TOPBP1: variants seen among roughly 807,000 people sequenced by gnomAD.
The protein encoded by TOPBP1 is DNA topoisomerase II binding protein 1.
Under a neutral mutation model 167.7 loss-of-function variants are expected in TOPBP1, and 28 were observed. That is an observed-to-expected ratio of 0.17 (90% CI 0.12 to 0.23). The LOEUF (loss-of-function observed/expected upper bound fraction) is 0.23, where lower values mean the gene tolerates loss of function less well. TOPBP1 is among the 10% of genes least tolerant of loss of function. The pLI, the probability that TOPBP1 is intolerant of heterozygous loss-of-function variation, is 1.00. For missense variants in TOPBP1, 1,554 were observed against 1,809.6 expected (o/e 0.86, Z 2.56); for synonymous variants, 598 against 611.4 (o/e 0.98, Z 0.32).
At chr3:133,626,270 G>A (rs1476302185) in intron 16 of TOPBP1, among the ~76,000 whole-genome samples, 1 of 152,168 alleles carries the variant, frequency 6.6e-6, no homozygotes, top group African/African-American at 2.4e-5. Context: ...TAGATCAGCG[G>A]TTTCAGCAAA....
At chr3:133,613,994 T>A (rs1315457149) in intron 23 of TOPBP1, among the ~76,000 whole-genome samples, 1 of 152,048 alleles carries the variant, frequency 6.6e-6, no homozygotes, top group African/African-American at 2.4e-5. Flanking sequence ...GGTTTCACCA[T>A]GTTTGCCAGG....
intron 14 of TOPBP1, among the ~76,000 whole-genome samples, chr3:133,636,799 C>G (rs1474257565): frequency 1.3e-5 from 2 of 152,068 alleles, no homozygotes; most frequent in Non-Finnish European, 2.9e-5. Context: ...CAGTAGGAGG[C>G]AAAGAAGAGG....
intron 25 of TOPBP1, 60 bp from the exon 26 acceptor site, chr3:133,609,022 A>AAAATC: frequency 7.6e-7 from 1 of 1,308,228 alleles, no homozygotes. Context: ...TAATACAGAT[A>AAAATC]ATGCATGATT....
intron 27 of TOPBP1, among the ~76,000 whole-genome samples, chr3:133,603,880 T>C (rs1374414918): frequency 6.6e-6 from 1 of 151,930 alleles, no homozygotes; most frequent in African/African-American, 2.4e-5. Flanking sequence ...CTGCAGAATA[T>C]AAAATCTTTC....
chr3:133,642,140 C>G lies in TOPBP1; in HGVS notation c.2021+1060G>C, dbSNP rs372510618. ...GAGTAGCTGGGACCATAGGCACATG[C>G]CACCATGCCTGGCTCATTTTTTTTT... is the stretch of plus-strand genomic sequence containing the variant. On this transcript the variant is annotated intron_variant, in intron 12 of 27. Coordinates refer to ENST00000260810, the MANE Select transcript of TOPBP1 (RefSeq NM_007027.4). 2.2e-4 allele frequency among the ~76,000 whole-genome samples: 33 copies of G among 152,206 alleles called. 1 individual carries two copies. The highest frequency in any genetic ancestry group is 6.0e-4 in the African/African-American group (25 of 41,542).
Position 133,644,061 on chromosome 3 carries a change from C to T in TOPBP1, c.1807G>A (p.Val603Met), listed in dbSNP as rs1296156323. The T allele has an allele frequency of 1.1e-5, 17 of 1,611,446 alleles. No homozygotes were observed. The highest frequency in any genetic ancestry group is 1.4e-5 in the Non-Finnish European group (16 of 1,179,078). Residue 603 changes from valine to methionine, a missense_variant, in exon 11 of 28, where the codon GTG becomes ATG. By Grantham distance (21) the Val-to-Met change is conservative. This residue lies in a region of TOPBP1 where 1,197 missense variants were observed against 1,351.5 expected (regional missense o/e 0.89). Coordinates refer to ENST00000260810, the MANE Select transcript of TOPBP1 (RefSeq NM_007027.4). ...ACAACTTCTCCCACAGTGGCTTCCA[C>T]TTCACACCCCAGCAGAGGAACCACA... is the stretch of plus-strand genomic sequence containing the variant. ...YAVVPLLGCE[V>M]EATVGEVVTN...
chr3:133,633,843 C>T (rs1404288511), intron 14 of TOPBP1, among the ~76,000 whole-genome samples: 1 of 152,176 alleles, frequency 6.6e-6, no homozygotes, highest in Non-Finnish European at 1.5e-5. Context: ...TTCTCCTACT[C>T]TCTTGGCATC....
intron 23 of TOPBP1, among the ~76,000 whole-genome samples, chr3:133,613,140 C>T (rs1318875631): frequency 6.6e-6 from 1 of 152,136 alleles, no homozygotes; most frequent in Non-Finnish European, 1.5e-5. Flanking sequence ...GGATTACAGG[C>T]GTGAGCCACC....
intron 9 of TOPBP1, 47 bp downstream of exon 9, chr3:133,649,733 G>C (rs1936219567): frequency 6.3e-7 from 1 of 1,580,340 alleles, no homozygotes; most frequent in Non-Finnish European, 8.6e-7. Context: ...GCAATTTTAA[G>C]AAAAATTATG....
Position 133,644,153 on chromosome 3 carries a change from G to A in TOPBP1, c.1715C>T (p.Ala572Val). Residue 572 changes from alanine to valine, a missense_variant, in exon 11 of 28, where the codon GCA becomes GTA. Coordinates refer to ENST00000260810, the MANE Select transcript of TOPBP1 (RefSeq NM_007027.4). ...GFSNENESNI[A>V]NIIKENAGKI... ...CCCAGCATTTTCTTTTATGATGTTT[G>A]CGATGTTAGATTCATTTTCATTACT... 1.9e-6 allele frequency: 3 copies of A among 1,613,848 alleles called. No homozygotes were observed. Among genetic ancestry groups the A allele is most frequent in the Non-Finnish European group, 2.5e-6 (3 of 1,179,840 alleles).
At chr3:133,615,949 A>C (rs575912237) in intron 23 of TOPBP1, among the ~76,000 whole-genome samples, 1 of 152,036 alleles carries the variant, frequency 6.6e-6, no homozygotes, top group Non-Finnish European at 1.5e-5. Context: ...ATTTAAAATG[A>C]CCTATGTGGT....
Position 133,644,259 on chromosome 3 carries a change from CAGA to C in TOPBP1, c.1606_1608del (p.Ser536del). On this transcript the variant is annotated inframe_deletion, in exon 11 of 28. Coordinates refer to ENST00000260810, the MANE Select transcript of TOPBP1 (RefSeq NM_007027.4). ...GAAACATCAGGGACACAATGACTGA[CAGA>C]AGACTGGTTTTCTTCTTGCAAAGAA... 1 of 1,613,780 alleles carries C rather than the reference CAGA, an allele frequency of 6.2e-7. No homozygotes were observed. Among genetic ancestry groups the C allele is most frequent in the South Asian group, 1.1e-5 (1 of 91,056 alleles).
intron 10 of TOPBP1, 144 bp from the exon 11 acceptor site, chr3:133,644,507 G>A: frequency 1.3e-6 from 1 of 787,670 alleles, no homozygotes; most frequent in Non-Finnish European, 2.0e-6. Flanking sequence ...AAAGGGATAT[G>A]GATTCACCCC....
intron 14 of TOPBP1, among the ~76,000 whole-genome samples, chr3:133,634,940 A>G (rs1328318304): frequency 6.6e-6 from 1 of 152,238 alleles, no homozygotes. Flanking sequence ...TTGAAAAAAT[A>G]TATTTTCCCT....
intron 12 of TOPBP1, among the ~76,000 whole-genome samples, chr3:133,642,085 G>A (rs1935906581): frequency 6.6e-6 from 1 of 152,052 alleles, no homozygotes; most frequent in Non-Finnish European, 1.5e-5. Flanking sequence ...GGTCTCCTGG[G>A]CTCAAGTAAT....
intron 14 of TOPBP1, among the ~76,000 whole-genome samples, chr3:133,631,944 C>T (rs1436481854): frequency 2.6e-5 from 4 of 151,846 alleles, no homozygotes; most frequent in African/African-American, 9.7e-5. Context: ...GGCTGATATC[C>T]AGTTGTTTAA....
At chr3:133,657,977 G>A in intron 3 of TOPBP1, 36 bp from the exon 4 acceptor site, 2 of 1,468,092 alleles carry the variant, frequency 1.4e-6, no homozygotes, top group Admixed American at 2.8e-5. Context: ...GAGTTAAGAA[G>A]GAAAAGACCA....
intron 15 of TOPBP1, 40 bp downstream of exon 15, chr3:133,628,520 G>GT (rs1375253545): frequency 1.9e-5 from 30 of 1,604,930 alleles, no homozygotes; most frequent in Non-Finnish European, 2.6e-5. Context: ...TGTTTGAAAT[G>GT]TTATCTAAAA....
intron 16 of TOPBP1, among the ~76,000 whole-genome samples, chr3:133,627,562 C>A (rs981020293): frequency 6.6e-6 from 1 of 152,108 alleles, no homozygotes; most frequent in Non-Finnish European, 1.5e-5. Context: ...ATTTTCCTGT[C>A]CTAATTTCTT....
Sources: gnomAD v4.1 joint callset for allele counts (sites outside exome capture counted in the v4.1 genomes callset) on GRCh38, gnomAD v4.1.1 for gene constraint, gnomAD v4.1.1 regional missense constraint, MANE v1.5 for transcripts, NCBI Gene and HGNC (gene_info 2026-07-23, HGNC 2026-07-21) for gene names.